Variants in PARVG observed in about 807,000 individuals in gnomAD.
PARVG encodes parvin gamma.
A neutral mutation model predicts 44.4 loss-of-function variants in PARVG; 36 were observed. The observed-to-expected ratio is 0.81, with a 90% CI of 0.62 to 1.07. PARVG has a LOEUF of 1.07. Ranked by LOEUF, PARVG falls within the 50% of genes least tolerant of loss-of-function variation. The pLI is 0.00. For missense variants in PARVG, 407 were observed against 407.4 expected, an observed-to-expected ratio of 1.00 and a Z score of 0.01; for synonymous variants, 170 against 174.1, an observed-to-expected ratio of 0.98 and a Z score of 0.19.
At chr22:44,179,310 C>T (rs1399768686), upstream of PARVG, among the ~76,000 whole-genome samples, 5 of 152,210 alleles carry the variant, frequency 3.3e-5, no homozygotes, top group African/African-American at 1.2e-4. The surrounding 1 kb of genome is among the most constrained non-coding windows in gnomAD (Gnocchi z 4.2). Context: ...TAACTCCACA[C>T]CATACAGGAT....
chr22:44,182,774 C>T lies in PARVG; in HGVS notation c.-12-544C>T, dbSNP rs561944835. Among the ~76,000 whole-genome samples, 6 of 152,286 alleles carry T rather than the reference C, an allele frequency of 3.9e-5. No individual in the cohort carries two copies. In the South Asian group the frequency reaches 1.2e-3, roughly 32 times the overall value. ...GCCCCTGTCCCGGGCATGTGGTGAG[C>T]CCAGCCTTCTGCCTGTAATGAGGAG... On this transcript the variant is annotated intron_variant, in intron 2 of 13. Transcript: ENST00000444313. This position sits in a 1 kb window ranked among gnomAD's most constrained non-coding sequence, Gnocchi z 4.6.
chr22:44,193,413 G>T (rs1260437029), intron 8 of PARVG, among the ~76,000 whole-genome samples: 2 of 152,146 alleles, frequency 1.3e-5, no homozygotes, highest in African/African-American at 2.4e-5. Context: ...AACACGGGGG[G>T]TGCTGGGAGG....
At chr22:44,190,086 CG>C in intron 6 of PARVG, among the ~76,000 whole-genome samples, 1 of 152,272 alleles carries the variant, frequency 6.6e-6, no homozygotes, top group South Asian at 2.1e-4. Flanking sequence ...CAAGGTTGGG[CG>C]GTGAGGATTT....
At chr22:44,187,919 T>C in intron 5 of PARVG, 41 bp downstream of exon 5, 1 of 1,601,230 alleles carries the variant, frequency 6.2e-7, no homozygotes. Flanking sequence ...CTCGGCCCCA[T>C]CCCCCTGACC....
chr22:44,182,906 G>A lies in PARVG; in HGVS notation c.-12-412G>A, dbSNP rs1024497850. The A allele has an allele frequency of 4.6e-5, 8 of 175,156 alleles. No individual in the cohort carries two copies. The highest frequency in any genetic ancestry group is 9.7e-5 in the Non-Finnish European group (8 of 82,726). 10.9% of individuals were successfully genotyped at this position (175,156 alleles called of 1,614,324 possible). A position where few individuals can be genotyped will look rare whatever the true frequency, so the allele number is the denominator to read the frequency against. On this transcript the variant is annotated intron_variant, in intron 2 of 13. Coordinates refer to ENST00000444313, the MANE Select transcript of PARVG (RefSeq NM_022141.7). The surrounding 1 kb of genome is among the most constrained non-coding windows in gnomAD (Gnocchi z 4.6). ...TCAGCCAGCCCCACACAGGCCGACC[G>A]GGGAGGTTTCCCTTGAGCTCAACCT...
upstream of PARVG, among the ~76,000 whole-genome samples, chr22:44,178,049 A>G (rs1417128593): frequency 1.3e-5 from 2 of 152,156 alleles, no homozygotes; most frequent in East Asian, 3.8e-4. Flanking sequence ...GACATTGGAC[A>G]TGCCTTTGCT....
Position 44,198,660 on chromosome 22 carries a change from C to T in PARVG, c.751C>T (p.Leu251Phe), listed in dbSNP as rs759266347. ...CATCTTACTCTTGCTGATTGGACAA[C>T]TTGAAGGCTTCTTCCTGCACTTAAA... ...GVILLLLIGQ[L>F]EGFFLHLKEF... Residue 251 changes from leucine (L) to phenylalanine (F), a missense_variant, in exon 12 of 14, where the codon CTT becomes TTT. By Grantham distance (22) the Leu-to-Phe change is conservative. Coordinates refer to ENST00000444313, the MANE Select transcript of PARVG (RefSeq NM_022141.7). The T allele has an allele frequency of 6.2e-7, 1 of 1,613,982 alleles. No individual in the cohort carries two copies.
At chr22:44,176,644 CT>C (rs139114), upstream of PARVG, among the ~76,000 whole-genome samples, 34,621 of 149,596 alleles carry the variant, frequency 0.23, 4,162 homozygotes, top group Middle Eastern at 0.28. Context: ...AGAGCAAAGG[CT>C]TTTTTTTTTC....
chr22:44,174,667 C>T (rs1188159302), intron 1 of PARVG, among the ~76,000 whole-genome samples: 3 of 151,778 alleles, frequency 2.0e-5, no homozygotes, highest in Admixed American at 6.6e-5. Context: ...ACCTGGGAGG[C>T]GGAGGTTGCA....
chr22:44,181,091 C>A lies in PARVG; in HGVS notation c.-283C>A. 1.5e-6 allele frequency: 1 copy of A among 678,368 alleles called. No homozygotes were observed. Among genetic ancestry groups the A allele is most frequent in the Non-Finnish European group, 1.8e-6 (1 of 549,318 alleles). 42.0% of individuals were successfully genotyped at this position (678,368 alleles called of 1,614,324 possible). ...CCTATGCAGCCGTCAAGGCCCCATTCTCCTCTGGAAAGCCTTCCCGATCCC... is the reference window on the plus strand; with the variant it reads ...CCTATGCAGCCGTCAAGGCCCCATTATCCTCTGGAAAGCCTTCCCGATCCC... On this transcript the variant is annotated 5_prime_UTR_variant, in exon 1 of 14. Transcript: ENST00000444313.
intron 4 of PARVG, chr22:44,186,419 C>T (rs529771966): frequency 6.8e-5 from 26 of 384,908 alleles, no homozygotes; most frequent in Admixed American, 3.9e-4. Context: ...TTTCCCTCAG[C>T]GTCTGTGTCT....
At chr22:44,184,745 T>A (rs1005884252) in intron 3 of PARVG, 1 of 152,152 alleles carries the variant, frequency 6.6e-6, no homozygotes, top group African/African-American at 2.4e-5. Flanking sequence ...TGGTCCAGAG[T>A]CACCTGGCTG....
At chr22:44,200,703 G>T (rs1217088208) in intron 12 of PARVG, among the ~76,000 whole-genome samples, 1 of 152,176 alleles carries the variant, frequency 6.6e-6, no homozygotes, top group Non-Finnish European at 1.5e-5. Context: ...CCCCGTCCCA[G>T]GGCCAGCCTC....
chr22:44,195,642 G>C (rs565161489), intron 9 of PARVG, among the ~76,000 whole-genome samples: 1 of 152,132 alleles, frequency 6.6e-6, no homozygotes, highest in African/African-American at 2.4e-5. Context: ...TCTTGGGGGC[G>C]GGGGGAGGCA....
At chr22:44,204,799 T>C (rs1378817603) in intron 12 of PARVG, among the ~76,000 whole-genome samples, 2 of 152,194 alleles carry the variant, frequency 1.3e-5, no homozygotes. Context: ...GAGGACCTGT[T>C]TGAGGTCACA....
At chr22:44,183,856 T>C (rs9614363) in intron 3 of PARVG, 164,100 of 385,376 alleles carry the variant, frequency 0.43, 35,305 homozygotes, top group Admixed American at 0.47. Context: ...GTCCCAGAAC[T>C]GAGGTTCCAC....
At chr22:44,178,611 A>G (rs192044952), upstream of PARVG, among the ~76,000 whole-genome samples, 3 of 152,236 alleles carry the variant, frequency 2.0e-5, no homozygotes, top group Admixed American at 6.5e-5. Flanking sequence ...GAGAAAAATC[A>G]GTCCACAGAA....
At chr22:44,198,575 C>T (rs376596741) in intron 11 of PARVG, 46 bp from the exon 12 acceptor site, 41 of 1,446,336 alleles carry the variant, frequency 2.8e-5, no homozygotes, top group African/African-American at 9.8e-5. Context: ...GAGTGGGCTT[C>T]GCCAGGCTTC....
chr22:44,197,133 G>A (rs1306248738), intron 11 of PARVG, among the ~76,000 whole-genome samples: 1 of 152,170 alleles, frequency 6.6e-6, no homozygotes, highest in Non-Finnish European at 1.5e-5. Context: ...TGGGGTCTGG[G>A]GTGGGGAGGG....
Sources: gnomAD v4.1 joint callset for allele counts (sites outside exome capture counted in the v4.1 genomes callset) on GRCh38, gnomAD v4.1.1 for gene constraint, Gnocchi (gnomAD v3.1) non-coding constraint, MANE v1.5 for transcripts, NCBI Gene and HGNC (gene_info 2026-07-23, HGNC 2026-07-21) for gene names.